Variants in NIPBL observed in about 807,000 individuals in gnomAD.
The protein encoded by NIPBL is nipped-B-like protein.
A neutral mutation model predicts 321.8 loss-of-function variants in NIPBL; 19 were observed. That is an observed-to-expected ratio of 0.06 (90% confidence interval 0.04 to 0.09). The LOEUF (loss-of-function observed/expected upper bound fraction) is 0.09, where lower values mean the gene tolerates loss of function less well. NIPBL is among the 10% of genes least tolerant of loss of function. The pLI, the probability that NIPBL is intolerant of heterozygous loss-of-function variation, is 1.00. For synonymous variants in NIPBL, 1,106 were observed against 1,114.1 expected (o/e 0.99, Z 0.14); for missense variants, 2,210 against 3,327.0 (o/e 0.66, Z 8.26).
At position 37,000,519 on chromosome 5, in the gene NIPBL, C is replaced by T. The variant is rs1746664928; in HGVS notation, c.3451C>T (p.Pro1151Ser). 1 of 1,613,342 alleles carries T rather than the reference C, an allele frequency of 6.2e-7. No individual in the cohort carries two copies. The highest frequency in any genetic ancestry group is 1.3e-5 in the African/African-American group (1 of 74,866). The change falls in exon 12 of 47, where the codon CCG (proline) becomes TCG (serine). Residue 1151 changes from proline to serine, a missense_variant. Pro to Ser is a moderately conservative substitution (Grantham distance 74). Transcript: ENST00000282516. ...TGGTGGTCGTTATCGAAACCGAAGT[C>T]CGTCAGATTCTGACATGGAAGATTA... ...SGGGRYRNRS[P>S]SDSDMEDYSP...
At chr5:37,056,501 T>C (rs1405715107) in intron 42 of NIPBL, among the ~76,000 whole-genome samples, 1 of 152,202 alleles carries the variant, frequency 6.6e-6, no homozygotes, top group Non-Finnish European at 1.5e-5. Context: ...ATAATCATAA[T>C]TTTTCTCTTA....
At chr5:36,924,120 A>T (rs1223510180) in intron 1 of NIPBL, among the ~76,000 whole-genome samples, 2 of 152,130 alleles carry the variant, frequency 1.3e-5, no homozygotes, top group Non-Finnish European at 2.9e-5. Context: ...ATAACATAGA[A>T]CTCAATGAAT....
chr5:36,881,674 A>G (rs984277775), intron 1 of NIPBL, among the ~76,000 whole-genome samples: 2 of 151,932 alleles, frequency 1.3e-5, no homozygotes, highest in African/African-American at 4.8e-5. Flanking sequence ...TGAAATTTTA[A>G]TATTATCTTT....
In NIPBL at chr5:36,986,316, A is replaced by C; in HGVS notation, c.3121+15A>C. The C allele has an allele frequency of 7.0e-7, 1 of 1,438,708 alleles. No homozygotes were observed. Among genetic ancestry groups the C allele is most frequent in the Non-Finnish European group, 9.2e-7 (1 of 1,084,368 alleles). 89.1% of individuals were successfully genotyped at this position (1,438,708 alleles called of 1,614,324 possible). A position where few individuals can be genotyped will look rare whatever the true frequency, so the allele number is the denominator to read the frequency against. On this transcript the variant is annotated intron_variant, in intron 10 of 46. Transcript: ENST00000282516. ...GTCAAATAAAGGTAAGAATACTTCT[A>C]CTGATGTCATTTATAATATAATCGA... is the stretch of plus-strand genomic sequence containing the variant.
intron 42 of NIPBL, among the ~76,000 whole-genome samples, chr5:37,054,735 G>T (rs114437014): frequency 4.1e-4 from 62 of 152,284 alleles, no homozygotes; most frequent in African/African-American, 1.5e-3. Context: ...AGGCCCAGAG[G>T]GATAGAATGA....
chr5:37,007,703 T>A (rs1747606649), intron 18 of NIPBL, among the ~76,000 whole-genome samples: 2 of 151,896 alleles, frequency 1.3e-5, no homozygotes, highest in Non-Finnish European at 2.9e-5. Context: ...CTTTGAAAGA[T>A]GGGTTATATT....
At chr5:36,906,026 G>A (rs1415231635) in intron 1 of NIPBL, among the ~76,000 whole-genome samples, 1 of 152,110 alleles carries the variant, frequency 6.6e-6, no homozygotes, top group Non-Finnish European at 1.5e-5. Context: ...TTACAGGCGT[G>A]AGCCACTGCA....
chr5:36,932,989 C>G (rs78045390), intron 1 of NIPBL, among the ~76,000 whole-genome samples: 2 of 151,652 alleles, frequency 1.3e-5, no homozygotes, highest in South Asian at 4.2e-4. Context: ...GCATGCAGCT[C>G]TCTTGATTTT....
At chr5:36,901,616 T>C (rs1747230813) in intron 1 of NIPBL, among the ~76,000 whole-genome samples, 1 of 151,306 alleles carries the variant, frequency 6.6e-6, no homozygotes, top group African/African-American at 2.4e-5. Context: ...TTCAAGTGAT[T>C]GTCCTGCCTC....
chr5:36,956,481 A>T (rs1231097385), intron 3 of NIPBL, among the ~76,000 whole-genome samples: 1 of 152,124 alleles, frequency 6.6e-6, no homozygotes, highest in African/African-American at 2.4e-5. Flanking sequence ...TTTAAAGCTG[A>T]TGACTCTAAG....
intron 30 of NIPBL, among the ~76,000 whole-genome samples, chr5:37,025,743 A>G (rs904881485): frequency 2.0e-5 from 3 of 152,208 alleles, no homozygotes; most frequent in African/African-American, 7.2e-5. Context: ...ATCATTATAC[A>G]TTGTATGCTT....
chr5:36,934,702 T>C (rs1013996998), intron 1 of NIPBL, among the ~76,000 whole-genome samples: 1 of 152,018 alleles, frequency 6.6e-6, no homozygotes, highest in Non-Finnish European at 1.5e-5. Context: ...CTGTAAGAAT[T>C]TGTAGTGCCA....
intron 1 of NIPBL, among the ~76,000 whole-genome samples, chr5:36,882,584 G>A (rs1187180106): frequency 6.6e-6 from 1 of 151,956 alleles, no homozygotes; most frequent in Admixed American, 6.6e-5. Context: ...TGAAGTTAGT[G>A]ATACTGTTCT....
intron 1 of NIPBL, among the ~76,000 whole-genome samples, chr5:36,933,128 C>CTTTA (rs1487621405): frequency 6.6e-6 from 1 of 151,840 alleles, no homozygotes; most frequent in Non-Finnish European, 1.5e-5. Context: ...AAAACTCTTC[C>CTTTA]TTTAATAAAG....
chr5:36,930,008 G>T (rs1580258475), intron 1 of NIPBL, among the ~76,000 whole-genome samples: 1 of 151,976 alleles, frequency 6.6e-6, no homozygotes, highest in South Asian at 2.1e-4. Context: ...TTGAAATTGG[G>T]TAGTATAAGT....
chr5:36,951,654 T>C (rs994395079), intron 1 of NIPBL, among the ~76,000 whole-genome samples: 2 of 152,182 alleles, frequency 1.3e-5, no homozygotes, highest in Non-Finnish European at 2.9e-5. Flanking sequence ...TAAATTTCTT[T>C]AGTAATTGTT....
At chr5:37,052,266 A>G (rs1753641389) in intron 41 of NIPBL, 100 bp from the exon 42 acceptor site, 2 of 932,758 alleles carry the variant, frequency 2.1e-6, no homozygotes, top group African/African-American at 1.7e-5. Flanking sequence ...TTAATTAAAA[A>G]AAAACAATGA....
At chr5:37,051,950 A>G in intron 41 of NIPBL, 64 bp downstream of exon 41, 1 of 1,128,212 alleles carries the variant, frequency 8.9e-7, no homozygotes, top group Non-Finnish European at 1.3e-6. Flanking sequence ...CATTTCTTTG[A>G]TAAATGCTCT....
At chr5:36,980,450 G>A (rs750230698) in intron 9 of NIPBL, among the ~76,000 whole-genome samples, 65 of 151,662 alleles carry the variant, frequency 4.3e-4, no homozygotes, top group Middle Eastern at 6.8e-3. Flanking sequence ...ACATAATGAT[G>A]TTTCATTTCA....
Sources: allele counts gnomAD v4.1 joint callset (sites outside exome capture counted in the v4.1 genomes callset), GRCh38; gene constraint gnomAD v4.1.1; transcripts MANE v1.5; gene names NCBI Gene and HGNC (gene_info 2026-07-23, HGNC 2026-07-21).